The following NEBL variants were observed in gnomAD, a reference collection of about 807,000 sequenced individuals.
The protein encoded by NEBL is LIM and SH3 protein 2.
NEBL carries 122 observed loss-of-function variants against 140.2 expected under a neutral mutation model. The ratio of observed to expected loss-of-function variants is 0.87; its 90% CI spans 0.75 to 1.01. The LOEUF is 1.01. Ranked by LOEUF, NEBL falls within the 50% of genes least tolerant of loss-of-function variation. The probability of loss-of-function intolerance (pLI) is 0.00; values close to 1 mark genes in which losing one functional copy is unlikely to be tolerated. For missense variants in NEBL, 1,365 were observed against 1,231.3 expected (o/e 1.11, Z -1.62); for synonymous variants, 436 against 398.9 (o/e 1.09, Z -1.11).
At chr10:21,026,247 T>C (rs2131788381) in intron 2 of NEBL, among the ~76,000 whole-genome samples, 1 of 152,252 alleles carries the variant, frequency 6.6e-6, no homozygotes, top group East Asian at 1.9e-4. Flanking sequence ...GTTGTCTCAT[T>C]TGGGAGTGAG....
In NEBL at chr10:21,273,653, G is replaced by A. The variant is rs116431624; in HGVS notation, n.182+19177C>T. Among the ~76,000 whole-genome samples, 1,142 of 152,288 alleles carry A rather than the reference G, an allele frequency of 7.5e-3. 8 individuals are homozygous for A. The highest frequency in any genetic ancestry group is 0.025 in the African/African-American group (1,039 of 41,566). ...TCTCCAGGGAAACACAAGAAAGACCGCCTGGCAGAGAGCAGCACATCCCTT... is the reference window on the plus strand; with the variant it reads ...TCTCCAGGGAAACACAAGAAAGACCACCTGGCAGAGAGCAGCACATCCCTT... On this transcript the variant is annotated intron_variant and non_coding_transcript_variant, in intron 1 of 8. Coordinates refer to the NEBL transcript ENST00000675702.
chr10:20,819,894 T>C (rs556969922), intron 19 of NEBL, among the ~76,000 whole-genome samples: 1 of 152,166 alleles, frequency 6.6e-6, no homozygotes, highest in African/African-American at 2.4e-5. Context: ...CCAACCCTTA[T>C]CAAATGTTTT....
intron 2 of NEBL, among the ~76,000 whole-genome samples, chr10:21,151,281 A>C (rs928873419): frequency 1.4e-4 from 21 of 152,214 alleles, no homozygotes; most frequent in Non-Finnish European, 3.1e-4. Flanking sequence ...ATGATGACAG[A>C]ATCCTCCTGC....
intron 26 of NEBL, among the ~76,000 whole-genome samples, chr10:20,790,808 G>C (rs948423523): frequency 6.6e-6 from 1 of 152,116 alleles, no homozygotes; most frequent in African/African-American, 2.4e-5. Context: ...TTCACATTTG[G>C]TTCACTGAGA....
Position 20,785,629 on chromosome 10 carries a change from A to C in NEBL, c.*118T>G. 8.4e-7 allele frequency: 1 copy of C among 1,197,462 alleles called. No individual in the cohort carries two copies. The allele number at this position is 1,197,462 out of a possible 1,614,324, so 74.2% of individuals were successfully genotyped here. A position where few individuals can be genotyped will look rare whatever the true frequency, so the allele number is the denominator to read the frequency against. On this transcript the variant is annotated 3_prime_UTR_variant, in exon 28 of 28. Transcript: ENST00000377122. ...CTGGTACCTGTGTGTCTAATTGTCA[A>C]AGGAAGGATACATCATTGTAAAATA...
chr10:21,209,230 C>T (rs1841878039), intron 3 of NEBL, among the ~76,000 whole-genome samples: 1 of 152,154 alleles, frequency 6.6e-6, no homozygotes, highest in Non-Finnish European at 1.5e-5. Flanking sequence ...TTCTGGAAGC[C>T]CCCCTCTCAT....
chr10:21,009,363 G>A (rs908558916), intron 3 of NEBL, among the ~76,000 whole-genome samples: 4 of 152,168 alleles, frequency 2.6e-5, no homozygotes, highest in Non-Finnish European at 5.9e-5. Flanking sequence ...ATTTATCTTA[G>A]AAGACATTCA....
chr10:20,900,023 T>C (rs1186135358), upstream of NEBL, among the ~76,000 whole-genome samples: 1 of 152,208 alleles, frequency 6.6e-6, no homozygotes, highest in African/African-American at 2.4e-5. Context: ...ACATGGAGAA[T>C]ATGAAGAAAG....
At chr10:20,892,433 T>G (rs1022834939) in intron 2 of NEBL, among the ~76,000 whole-genome samples, 8 of 152,322 alleles carry the variant, frequency 5.3e-5, no homozygotes, top group East Asian at 3.9e-4. Context: ...CCTGGGAGAC[T>G]GATAACACCC....
At chr10:20,824,668 C>A (rs542185686) in intron 18 of NEBL, among the ~76,000 whole-genome samples, 1 of 152,246 alleles carries the variant, frequency 6.6e-6, no homozygotes, top group African/African-American at 2.4e-5. Flanking sequence ...CAGAACTATG[C>A]ATTTATTGTT....
chr10:21,234,946 G>A (rs1842328589), intron 3 of NEBL, among the ~76,000 whole-genome samples: 1 of 152,150 alleles, frequency 6.6e-6, no homozygotes, highest in African/African-American at 2.4e-5. Context: ...CTCTTTAACA[G>A]AGAGAAAGGA....
chr10:21,095,039 C>A (rs991483706), intron 2 of NEBL, among the ~76,000 whole-genome samples: 1 of 152,164 alleles, frequency 6.6e-6, no homozygotes, highest in Non-Finnish European at 1.5e-5. Flanking sequence ...GCATTATGAT[C>A]TGGGAACCAC....
chr10:21,275,020 C>G (rs1842902502), intron 1 of NEBL, among the ~76,000 whole-genome samples: 1 of 151,960 alleles, frequency 6.6e-6, no homozygotes, highest in Non-Finnish European at 1.5e-5. Flanking sequence ...TAAGTGGACC[C>G]ATGAAGTTCA....
In NEBL at chr10:20,916,412, G is replaced by A. The variant is rs185730618; in HGVS notation, c.357+45260C>T. 5.3e-3 allele frequency among the ~76,000 whole-genome samples: 809 copies of A among 152,218 alleles called. 3 individuals are homozygous for A. The highest frequency in any genetic ancestry group is 0.017 in the African/African-American group (689 of 41,560). On this transcript the variant is annotated intron_variant, in intron 4 of 6. Transcript: ENST00000417816. Reference sequence around the variant, plus strand: ...AAGACTTAATTTTTTGTTTTCTTTTGTTTCTTGGGAAAGGGTCTCACTCTG... The same window carrying A: ...AAGACTTAATTTTTTGTTTTCTTTTATTTCTTGGGAAAGGGTCTCACTCTG...
At chr10:20,845,473 G>C in intron 11 of NEBL, 105 bp from the exon 12 acceptor site, 1 of 725,508 alleles carries the variant, frequency 1.4e-6, no homozygotes, top group South Asian at 1.6e-5. Flanking sequence ...TTCTTAGGTA[G>C]TTCTACCACC....
chr10:20,963,146 C>T (rs542110341), intron 3 of NEBL, among the ~76,000 whole-genome samples: 11 of 152,178 alleles, frequency 7.2e-5, no homozygotes, highest in African/African-American at 2.7e-4. Context: ...ACTTTATTCC[C>T]ATAAGTAAAA....
At chr10:21,047,426 C>T (rs989184456) in intron 2 of NEBL, among the ~76,000 whole-genome samples, 3 of 152,054 alleles carry the variant, frequency 2.0e-5, no homozygotes, top group African/African-American at 7.2e-5. Flanking sequence ...TTCTGCAATG[C>T]TTTAGTTATT....
At chr10:21,143,985 G>A (rs541706608) in intron 2 of NEBL, among the ~76,000 whole-genome samples, 1 of 152,256 alleles carries the variant, frequency 6.6e-6, no homozygotes, top group South Asian at 2.1e-4. Context: ...ATGATTATTC[G>A]AATAAGATAC....
chr10:21,087,839 T>A (rs1389204992), intron 2 of NEBL, among the ~76,000 whole-genome samples: 2 of 152,164 alleles, frequency 1.3e-5, no homozygotes, highest in East Asian at 3.9e-4. Context: ...GAAAATGACT[T>A]ACGTGGAAAT....
Sources: gnomAD v4.1 joint callset for allele counts (sites outside exome capture counted in the v4.1 genomes callset) on GRCh38, gnomAD v4.1.1 for gene constraint, MANE v1.5 for transcripts, NCBI Gene and HGNC (gene_info 2026-07-23, HGNC 2026-07-21) for gene names.